Variants in E2F7 observed in about 807,000 individuals in gnomAD.
E2F7 encodes the protein E2F transcription factor 7.
A neutral mutation model predicts 81.1 loss-of-function variants in E2F7; 35 were observed. That is an observed-to-expected ratio of 0.43 (90% CI 0.33 to 0.57). The LOEUF (loss-of-function observed/expected upper bound fraction) is 0.57. Ranked by LOEUF, E2F7 falls within the 20% of genes least tolerant of loss-of-function variation. E2F7 has a pLI of 0.04. For missense variants in E2F7, 961 were observed against 1,093.7 expected, an observed-to-expected ratio of 0.88 and a Z score of 1.71; for synonymous variants, 416 against 416.2, an observed-to-expected ratio of 1.00 and a Z score of 0.01.
chr12:77,048,314 T>G (rs1954959942), intron 4 of E2F7, among the ~76,000 whole-genome samples: 1 of 152,236 alleles, frequency 6.6e-6, no homozygotes, highest in Non-Finnish European at 1.5e-5. Flanking sequence ...TCTTTTGTAT[T>G]GAGGTCATTC....
Position 77,027,911 on chromosome 12 carries a change from T to C in E2F7, c.2112A>G (p.Leu704=), listed in dbSNP as rs759601211. ...ENESTKEPSL[L]QYLCVQSPAG... ...CAGGAGACTGCACACAAAGATATTG[T>C]AGCAAAGAAGGCTCTTTGGTGCTTT... Residue 704 remains leucine, a synonymous_variant, in exon 11 of 13, where the codon CTA becomes CTG. Transcript: ENST00000322886. The C allele has an allele frequency of 1.3e-5, 21 of 1,614,092 alleles. 1 individual carries two copies. The South Asian group carries it at 2.3e-4, about 18-fold the overall frequency.
Position 77,056,147 on chromosome 12 carries a change from AC to A in E2F7, c.94-18del, listed in dbSNP as rs775399159. 4.1e-4 allele frequency: 643 copies of A among 1,572,786 alleles called. No individual in the cohort carries two copies. Among genetic ancestry groups the A allele is most frequent in the Non-Finnish European group, 5.1e-4 (596 of 1,165,368 alleles). ...TATATTTTCCTATTTTAAAAAAGAA[AC>A]TTTTAGCAAGAATGAGAAAGGGCAG... On this transcript the variant is annotated intron_variant, in intron 2 of 12. Transcript: ENST00000322886.
At position 77,057,626 on chromosome 12, in the gene E2F7, A is replaced by G. The variant is rs578076664; in HGVS notation, c.94-1496T>C. Among the ~76,000 whole-genome samples, 8 of 152,358 alleles carry G rather than the reference A, an allele frequency of 5.3e-5. No homozygotes were observed. In the East Asian group the frequency reaches 1.5e-3, roughly 29 times the overall value. On this transcript the variant is annotated intron_variant, in intron 2 of 12. Transcript: ENST00000322886. ...CACCCGTTGATGTAGACTGTCTTAA[A>G]TAATTCTAAGAAAAGACTAACGATG...
chr12:77,039,215 A>C (rs959514277), intron 7 of E2F7, among the ~76,000 whole-genome samples: 2 of 152,206 alleles, frequency 1.3e-5, no homozygotes, highest in South Asian at 4.1e-4. Context: ...TCCATACCTC[A>C]CACCACATGT....
In E2F7 at chr12:77,021,874, A is replaced by G. The variant is rs1954714438; in HGVS notation, c.*2141T>C. The G allele has an allele frequency of 6.6e-6, 1 of 152,206 alleles. No individual in the cohort carries two copies. Among genetic ancestry groups the G allele is most frequent in the Non-Finnish European group, 1.5e-5 (1 of 68,034 alleles). 9.4% of individuals were successfully genotyped at this position (152,206 alleles called of 1,614,324 possible). A position where few individuals can be genotyped will look rare whatever the true frequency, so the allele number is the denominator to read the frequency against. ...ACTGCATTATTATTTTTACATATAA[A>G]GCCACATTAAGAAGTGGATACTGAA... On this transcript the variant is annotated 3_prime_UTR_variant, in exon 13 of 13. Coordinates refer to ENST00000322886, the MANE Select transcript of E2F7 (RefSeq NM_203394.3).
rs773262960 is a variant in E2F7 at position 77,055,993 on chromosome 12, T to G, written c.231A>C (p.Gln77His). Reference protein sequence around the residue: ...ITPVKFVDRQQAEPWTPTANL... With the variant: ...ITPVKFVDRQHAEPWTPTANL... ...TAGCTGTGGGTGTCCATGGTTCCGC[T>G]TGCTGTCTGTCAACAAACTTAACTG... Residue 77 changes from glutamine (Q) to histidine (H), a missense_variant, in exon 3 of 13, where the codon CAA becomes CAC. Gln to His is a conservative substitution (Grantham distance 24). This residue lies in a region of E2F7 where 301 missense variants were observed against 405.0 expected (regional missense o/e 0.74). Coordinates refer to ENST00000322886, the MANE Select transcript of E2F7 (RefSeq NM_203394.3). 5.6e-6 allele frequency: 9 copies of G among 1,614,214 alleles called. No homozygotes were observed. The East Asian group carries it at 2.0e-4, about 36-fold the overall frequency.
In E2F7 at chr12:77,029,980, C is replaced by T; in HGVS notation, c.1735G>A (p.Glu579Lys). 1 of 1,614,208 alleles carries T rather than the reference C, an allele frequency of 6.2e-7. No individual in the cohort carries two copies. Among genetic ancestry groups the T allele is most frequent in the African/African-American group, 1.3e-5 (1 of 75,040 alleles). ...SGSERDDRSS[E>K]APATVELSSA... is the part of the protein sequence containing the mutation. ...GACAGCTCTACTGTGGCTGGGGCTT[C>T]TGAGCTTCTGTCATCCCTCTCTGAC... The change falls in exon 10 of 13, where the codon GAA becomes AAA. Residue 579 changes from glutamate (E) to lysine (K), a missense_variant. Glu to Lys is a moderately conservative substitution (Grantham distance 56). Coordinates refer to ENST00000322886, the MANE Select transcript of E2F7 (RefSeq NM_203394.3).
At chr12:77,049,736 T>C (rs1954970957) in intron 4 of E2F7, among the ~76,000 whole-genome samples, 1 of 152,206 alleles carries the variant, frequency 6.6e-6, no homozygotes, top group Non-Finnish European at 1.5e-5. Flanking sequence ...CTTGGGCACA[T>C]TTCTCTAGGA....
intron 2 of E2F7, among the ~76,000 whole-genome samples, chr12:77,064,290 A>G (rs1445960084): frequency 6.6e-6 from 1 of 152,360 alleles, no homozygotes; most frequent in African/African-American, 2.4e-5. Context: ...TGTAGCCAGC[A>G]TATTTTTGAC....
chr12:77,021,541 G>A lies in E2F7; in HGVS notation c.*2474C>T, dbSNP rs528224805. The stretch of plus-strand genomic sequence containing the variant: ...ATACAGAAATAGCACCTTACAAAAA[G>A]GAATTGAGAAATGTAAACTTGGTAG... On this transcript the variant is annotated 3_prime_UTR_variant, in exon 13 of 13. Transcript: ENST00000322886. 2.6e-5 allele frequency: 4 copies of A among 152,640 alleles called. No individual in the cohort carries two copies. In the South Asian group the frequency reaches 8.3e-4, roughly 32 times the overall value. The allele number at this position is 152,640 out of a possible 1,614,324, so 9.5% of individuals were successfully genotyped here. A position where few individuals can be genotyped will look rare whatever the true frequency, so the allele number is the denominator to read the frequency against.
At chr12:77,056,663 T>C (rs1212973751) in intron 2 of E2F7, among the ~76,000 whole-genome samples, 1 of 152,148 alleles carries the variant, frequency 6.6e-6, no homozygotes, top group Non-Finnish European at 1.5e-5. Context: ...CATCTCAAAC[T>C]ACCCATGGTA....
intron 7 of E2F7, 73 bp from the exon 8 acceptor site, chr12:77,034,115 T>C (rs1954829638): frequency 7.3e-7 from 1 of 1,368,112 alleles, no homozygotes. Flanking sequence ...ATTTAAGAGA[T>C]GGCTTTGAAC....
intron 2 of E2F7, among the ~76,000 whole-genome samples, chr12:77,063,319 C>T (rs528913328): frequency 1.4e-4 from 21 of 152,240 alleles, no homozygotes; most frequent in Middle Eastern, 3.4e-3. Flanking sequence ...GAAAATCGTA[C>T]GCCAAGGTTG....
intron 2 of E2F7, among the ~76,000 whole-genome samples, chr12:77,059,227 GA>G (rs1173829039): frequency 4.6e-5 from 7 of 150,952 alleles, no homozygotes; most frequent in East Asian, 1.9e-4. Context: ...TCTACATCAA[GA>G]AAAAAAAATG....
intron 2 of E2F7, among the ~76,000 whole-genome samples, chr12:77,061,032 G>A (rs533799586): frequency 5.9e-5 from 9 of 152,114 alleles, no homozygotes; most frequent in African/African-American, 2.2e-4. Context: ...TTCTCTCCTG[G>A]TTCTTCTCAT....
intron 7 of E2F7, among the ~76,000 whole-genome samples, chr12:77,038,277 C>A (rs568126223): frequency 8.5e-5 from 13 of 152,086 alleles, no homozygotes; most frequent in Non-Finnish European, 1.9e-4. Context: ...TATAAAAGAA[C>A]TGGACATTTA....
In E2F7 at chr12:77,025,752, T is replaced by C. The variant is rs746685089; in HGVS notation, c.2371A>G (p.Ile791Val). ...VNFSLPGLGS[I>V]AQLLVGPTAV... is the part of the protein sequence containing the mutation. ...GTGGGGCCGACGAGAAGCTGGGCTA[T>C]TGATCCAAGGCCAGGCAAGCTGAAA... Residue 791 changes from isoleucine (I) to valine (V), a missense_variant, in exon 12 of 13, where the codon ATA (isoleucine) becomes GTA (valine). Ile to Val is a conservative substitution (Grantham distance 29). Around this residue, in one of 3 missense-constraint regions of E2F7, gnomAD observed 587 missense variants for 620.3 expected, o/e 0.95. Coordinates refer to ENST00000322886, the MANE Select transcript of E2F7 (RefSeq NM_203394.3). 1 of 1,614,030 alleles carries C rather than the reference T, an allele frequency of 6.2e-7. No homozygotes were observed. Among genetic ancestry groups the C allele is most frequent in the African/African-American group, 1.3e-5 (1 of 74,898 alleles).
intron 4 of E2F7, among the ~76,000 whole-genome samples, chr12:77,050,003 C>T (rs755968025): frequency 6.6e-6 from 1 of 152,198 alleles, no homozygotes; most frequent in Non-Finnish European, 1.5e-5. Context: ...TTCCAGCACA[C>T]ACACCCATCT....
rs1417579598 is a variant in E2F7, at chr12:77,030,242, TTC to T, written c.1471_1472del (p.Glu491IlefsTer4). 2.5e-6 allele frequency: 4 copies of T among 1,613,304 alleles called. No individual in the cohort carries two copies. The highest frequency in any genetic ancestry group is 3.4e-6 in the Non-Finnish European group (4 of 1,179,568). ...GGTGGGCTAAAGGATTAACACAATA[TTC>T]TGGGTCAACAGAGAGGACAGGGAAA... ...APFPVLSVDP[E>X]YCVNPLAHPV... On this transcript the variant is annotated frameshift_variant, in exon 10 of 13. Coordinates refer to ENST00000322886, the MANE Select transcript of E2F7 (RefSeq NM_203394.3). LOFTEE classifies it high-confidence loss of function.
Sources: allele counts gnomAD v4.1 joint callset (sites outside exome capture counted in the v4.1 genomes callset), GRCh38; gene constraint gnomAD v4.1.1; regional missense constraint gnomAD v4.1.1; transcripts MANE v1.5; gene names NCBI Gene and HGNC (gene_info 2026-07-23, HGNC 2026-07-21).